EYS: variants seen among roughly 807,000 people sequenced by gnomAD.
The protein encoded by EYS is EGF-like photoreceptor maintenance factor.
EYS carries 250 observed loss-of-function variants against 282.1 expected under a neutral mutation model. The ratio of observed to expected loss-of-function variants is 0.89; its 90% CI spans 0.80 to 0.98. The LOEUF (loss-of-function observed/expected upper bound fraction) is 0.98, where lower values mean the gene tolerates loss of function less well. Among genes scored for constraint, EYS ranks in the 50% least tolerant of loss-of-function variants. The probability of loss-of-function intolerance (pLI) is 0.00; values close to 1 mark genes in which losing one functional copy is unlikely to be tolerated. For synonymous variants in EYS, 1,355 were observed against 1,282.9 expected (o/e 1.06, Z -1.20); for missense variants, 4,016 against 3,709.0 (o/e 1.08, Z -2.15).
At chr6:64,368,991 AGAAT>A (rs1310914622) in intron 29 of EYS, among the ~76,000 whole-genome samples, 1 of 152,038 alleles carries the variant, frequency 6.6e-6, no homozygotes, top group Non-Finnish European at 1.5e-5. Flanking sequence ...TCCTATGTTG[AGAAT>A]GGTATTTCCT....
At position 63,720,207 on chromosome 6, in the gene EYS, C is replaced by T; in HGVS notation, c.*389G>A. ...GATTTTTTTCTTATTTGTACCTATC[C>T]CTAATTCATTCCCAACTGAATTTTA... On this transcript the variant is annotated 3_prime_UTR_variant, in exon 43 of 43. Coordinates refer to ENST00000503581, the MANE Select transcript of EYS (RefSeq NM_001142800.2). 2 of 260,338 alleles carry T rather than the reference C, an allele frequency of 7.7e-6. No individual in the cohort carries two copies. The highest frequency in any genetic ancestry group is 1.4e-5 in the Non-Finnish European group (2 of 138,886). The allele number at this position is 260,338 out of a possible 1,614,324, so 16.1% of individuals were successfully genotyped here.
At chr6:64,393,302 A>G (rs1773228584) in intron 28 of EYS, among the ~76,000 whole-genome samples, 2 of 152,212 alleles carry the variant, frequency 1.3e-5, no homozygotes, top group African/African-American at 2.4e-5. Flanking sequence ...TCATTCTGAT[A>G]CCAAAACCAG....
intron 8 of EYS, among the ~76,000 whole-genome samples, chr6:65,373,581 T>C (rs1050200757): frequency 6.6e-6 from 1 of 152,054 alleles, no homozygotes. Context: ...AGTGGATAAA[T>C]ACATACAAAT....
In EYS at chr6:64,349,890, C is replaced by T. The variant is rs1771557701; in HGVS notation, c.6078+38800G>A. 2.0e-5 allele frequency among the ~76,000 whole-genome samples: 3 copies of T among 151,388 alleles called. No homozygotes were observed. In the South Asian group the frequency reaches 6.2e-4, roughly 31 times the overall value. Reference sequence around the variant, plus strand: ...TTTTTTTCCCGTTTTGAAATATCTACTTGAAGAAGTCAGCAATAAAAATAA... The same window carrying T: ...TTTTTTTCCCGTTTTGAAATATCTATTTGAAGAAGTCAGCAATAAAAATAA... On this transcript the variant is annotated intron_variant, in intron 29 of 42. Transcript: ENST00000503581.
chr6:63,910,555 T>A (rs1283289800), intron 35 of EYS, among the ~76,000 whole-genome samples: 1 of 152,242 alleles, frequency 6.6e-6, no homozygotes, highest in Admixed American at 6.5e-5. Flanking sequence ...AATGCTGTAA[T>A]GCCGGTTTTC....
rs573990879 is a variant in EYS at position 64,764,031 on chromosome 6, T to C, written c.3443+49347A>G. The stretch of plus-strand genomic sequence containing the variant: ...GCTCCTCCTGACTGCTTTCATGGTC[T>C]GGCATTGAGGGCCGGAGGCTTTTCC... On this transcript the variant is annotated intron_variant, in intron 22 of 42. Transcript: ENST00000503581. 7.7e-4 allele frequency among the ~76,000 whole-genome samples: 117 copies of C among 152,320 alleles called. 1 individual carries two copies. Among genetic ancestry groups the C allele is most frequent in the African/African-American group, 2.4e-3 (100 of 41,580 alleles).
intron 18 of EYS, 33 bp from the exon 19 acceptor site, chr6:64,886,875 TG>T: frequency 7.6e-7 from 1 of 1,312,434 alleles, no homozygotes; most frequent in Non-Finnish European, 1.0e-6. Context: ...GGAATAGCCA[TG>T]TAACAATGAT....
chr6:65,696,778 A>AATACATTCAAAT (rs1769472007), intron 1 of EYS, among the ~76,000 whole-genome samples: 2 of 152,048 alleles, frequency 1.3e-5, no homozygotes, highest in Admixed American at 6.6e-5. Context: ...TAAAATATTA[A>AATACATTCAAAT]ACTTTGAAAT....
At chr6:64,655,354 C>G in intron 22 of EYS, among the ~76,000 whole-genome samples, 1 of 87,490 alleles carries the variant, frequency 1.1e-5, no homozygotes, top group East Asian at 2.6e-4. Flanking sequence ...GAATCTTTTT[C>G]TGCTCAAAGT....
intron 31 of EYS, among the ~76,000 whole-genome samples, chr6:64,123,829 A>C (rs1213669766): frequency 6.6e-6 from 1 of 152,192 alleles, no homozygotes; most frequent in East Asian, 1.9e-4. Context: ...TCCCCATTCA[A>C]AGATTGTGCC....
chr6:64,061,542 G>A (rs1582214864), intron 33 of EYS, among the ~76,000 whole-genome samples: 1 of 152,158 alleles, frequency 6.6e-6, no homozygotes. Context: ...GCTTATTCAA[G>A]TTTGTTCTAC....
intron 35 of EYS, among the ~76,000 whole-genome samples, chr6:63,955,362 C>T (rs1427463638): frequency 2.6e-5 from 4 of 152,164 alleles, no homozygotes; most frequent in Admixed American, 2.6e-4. Flanking sequence ...CTCAAACTGC[C>T]ACCCATAAGT....
At chr6:64,119,643 C>G (rs1017925725) in intron 31 of EYS, among the ~76,000 whole-genome samples, 1 of 152,142 alleles carries the variant, frequency 6.6e-6, no homozygotes, top group Non-Finnish European at 1.5e-5. Flanking sequence ...AATACTTTCT[C>G]TGAAGAAATT....
At chr6:65,337,567 C>T (rs1458553857) in intron 10 of EYS, among the ~76,000 whole-genome samples, 9 of 150,900 alleles carry the variant, frequency 6.0e-5, no homozygotes, top group Admixed American at 4.0e-4. Context: ...AGATTTGAGA[C>T]TATATTGAAC....
At chr6:64,874,161 A>C (rs2150055968) in intron 19 of EYS, among the ~76,000 whole-genome samples, 1 of 152,218 alleles carries the variant, frequency 6.6e-6, no homozygotes, top group African/African-American at 2.4e-5. Flanking sequence ...CGGAGATGCC[A>C]TCAATAGTCA....
At chr6:64,608,978 A>C (rs1427965295) in intron 24 of EYS, among the ~76,000 whole-genome samples, 1 of 152,174 alleles carries the variant, frequency 6.6e-6, no homozygotes, top group Non-Finnish European at 1.5e-5. Context: ...TGGTGGTTAC[A>C]TGTCATTATG....
chr6:64,931,617 C>G (rs936406606), intron 15 of EYS, among the ~76,000 whole-genome samples: 1 of 151,978 alleles, frequency 6.6e-6, no homozygotes, highest in Non-Finnish European at 1.5e-5. Context: ...CTTATCTATG[C>G]ATATATTTTT....
intron 8 of EYS, among the ~76,000 whole-genome samples, chr6:65,360,197 T>C (rs1764648148): frequency 6.6e-6 from 1 of 151,988 alleles, no homozygotes; most frequent in Non-Finnish European, 1.5e-5. Flanking sequence ...TAAGTACTAA[T>C]AAATTATTAA....
At chr6:65,660,549 A>G (rs1767968851) in intron 1 of EYS, among the ~76,000 whole-genome samples, 1 of 151,804 alleles carries the variant, frequency 6.6e-6, no homozygotes. Flanking sequence ...AGATATCCAT[A>G]TGTACTGTAA....
Sources: allele counts gnomAD v4.1 joint callset (sites outside exome capture counted in the v4.1 genomes callset), GRCh38; gene constraint gnomAD v4.1.1; transcripts MANE v1.5; gene names NCBI Gene and HGNC (gene_info 2026-07-23, HGNC 2026-07-21).